The following NCKAP5 variants were observed in gnomAD, a reference collection of about 807,000 sequenced individuals.
NCKAP5 encodes nck-associated protein 5.
A neutral mutation model predicts 167.0 loss-of-function variants in NCKAP5; 92 were observed. The observed-to-expected ratio is 0.55, with a 90% CI of 0.47 to 0.66. NCKAP5 has a LOEUF of 0.66. Ranked by LOEUF, NCKAP5 falls within the 30% of genes least tolerant of loss-of-function variation. The pLI is 0.00. For synonymous variants in NCKAP5, 891 were observed against 877.4 expected (o/e 1.02, Z -0.27); for missense variants, 2,378 against 2,315.0 (o/e 1.03, Z -0.56).
intron 8 of NCKAP5, among the ~76,000 whole-genome samples, chr2:132,889,151 C>T (rs1236578848): frequency 6.6e-6 from 1 of 152,198 alleles, no homozygotes; most frequent in African/African-American, 2.4e-5. Flanking sequence ...GAGAGGCCAG[C>T]CATGGGAGTG....
chr2:133,324,723 T>C (rs554064394), intron 3 of NCKAP5, among the ~76,000 whole-genome samples: 38 of 152,332 alleles, frequency 2.5e-4, no homozygotes, highest in African/African-American at 8.7e-4. Flanking sequence ...TGCTTTTTTT[T>C]TTCTTTTCTT....
At chr2:133,147,235 A>G (rs75128916) in intron 5 of NCKAP5, among the ~76,000 whole-genome samples, 2,078 of 152,258 alleles carry the variant, frequency 0.014, 58 homozygotes, top group African/African-American at 0.047. Flanking sequence ...ATACCTACTA[A>G]GCACAGGGTG....
At chr2:133,296,862 G>A (rs1679998766) in intron 4 of NCKAP5, among the ~76,000 whole-genome samples, 1 of 151,998 alleles carries the variant, frequency 6.6e-6, no homozygotes, top group Non-Finnish European at 1.5e-5. Context: ...TACATTTGTG[G>A]CTTGAAAGTA....
the NCKAP5 span, among the ~76,000 whole-genome samples, chr2:133,614,296 G>A: frequency 2.2e-4 from 33 of 148,826 alleles, no homozygotes; most frequent in East Asian, 3.4e-3. Context: ...CTAGCTGGAC[G>A]GAGAATGACT....
At chr2:133,253,495 T>C (rs2088455598) in intron 4 of NCKAP5, among the ~76,000 whole-genome samples, 1 of 152,214 alleles carries the variant, frequency 6.6e-6, no homozygotes, top group African/African-American at 2.4e-5. Flanking sequence ...ATAAGATTTA[T>C]GCCCTCTCTA....
At chr2:133,605,527 T>C in the NCKAP5 span, among the ~76,000 whole-genome samples, 1 of 152,202 alleles carries the variant, frequency 6.6e-6, no homozygotes, top group Non-Finnish European at 1.5e-5. Flanking sequence ...TTGGAGGATA[T>C]TGATGCATCT....
At chr2:133,510,736 A>C (rs1683418784) in intron 3 of NCKAP5, among the ~76,000 whole-genome samples, 1 of 152,192 alleles carries the variant, frequency 6.6e-6, no homozygotes, top group Non-Finnish European at 1.5e-5. Context: ...GGCATAAAGC[A>C]ATTTTCTGCT....
At chr2:133,245,648 A>C (rs1486730312) in intron 4 of NCKAP5, among the ~76,000 whole-genome samples, 1 of 152,090 alleles carries the variant, frequency 6.6e-6, no homozygotes, top group Admixed American at 6.5e-5. Flanking sequence ...TTTTAATTAA[A>C]GGCGCAATCC....
chr2:133,545,527 G>C (rs1686583242), intron 2 of NCKAP5, among the ~76,000 whole-genome samples: 1 of 152,000 alleles, frequency 6.6e-6, no homozygotes, highest in African/African-American at 2.4e-5. Flanking sequence ...GAGTTTGATA[G>C]GCTGCCTATC....
chr2:133,235,401 A>C (rs944002277), intron 4 of NCKAP5, among the ~76,000 whole-genome samples: 4 of 152,058 alleles, frequency 2.6e-5, no homozygotes, highest in Non-Finnish European at 5.9e-5. Flanking sequence ...ATTGATTAAA[A>C]TGGCCCCCAA....
At chr2:132,688,000 G>C (rs1021318473) in intron 19 of NCKAP5, among the ~76,000 whole-genome samples, 2 of 152,154 alleles carry the variant, frequency 1.3e-5, no homozygotes, top group African/African-American at 4.8e-5. Context: ...ATGGCAATCA[G>C]GGTTTTGCTC....
At chr2:133,510,118 C>G (rs1202583579) in intron 3 of NCKAP5, among the ~76,000 whole-genome samples, 1 of 152,160 alleles carries the variant, frequency 6.6e-6, no homozygotes, top group Non-Finnish European at 1.5e-5. Flanking sequence ...CCAGAATCTC[C>G]TCAGGGGAAA....
chr2:133,323,300 G>C (rs1331971782), intron 3 of NCKAP5, among the ~76,000 whole-genome samples: 2 of 152,108 alleles, frequency 1.3e-5, no homozygotes, highest in Non-Finnish European at 2.9e-5. Context: ...GTCTGACATA[G>C]AGATCTCAGC....
At chr2:133,514,662 A>G (rs1365821906) in intron 3 of NCKAP5, among the ~76,000 whole-genome samples, 2 of 152,178 alleles carry the variant, frequency 1.3e-5, no homozygotes, top group Non-Finnish European at 2.9e-5. Flanking sequence ...TCTCAAAAAT[A>G]TGTGTCATGA....
At chr2:133,450,057 T>C (rs1285812395) in intron 3 of NCKAP5, among the ~76,000 whole-genome samples, 1 of 152,158 alleles carries the variant, frequency 6.6e-6, no homozygotes, top group Non-Finnish European at 1.5e-5. Flanking sequence ...GAAACATTTA[T>C]TGATTTGCCC....
intron 6 of NCKAP5, among the ~76,000 whole-genome samples, chr2:133,101,347 G>A (rs1033343921): frequency 1.7e-4 from 24 of 139,708 alleles, no homozygotes; most frequent in Non-Finnish European, 9.0e-5. Context: ...GATGCCTCCA[G>A]CTTTGTTCTT....
rs200265033 is a variant in NCKAP5, at chr2:132,790,182, C to T, written c.933G>A (p.Ser311=). The T allele has an allele frequency of 1.8e-5, 29 of 1,613,006 alleles. No homozygotes were observed. Among genetic ancestry groups the T allele is most frequent in the South Asian group, 5.5e-5 (5 of 90,756 alleles). The change falls in exon 13 of 20, where the codon TCG becomes TCA. Residue 311 remains serine, a synonymous_variant. Transcript: ENST00000409261. ...EVHEHQLNTK[S]ALKCPGLGAV... Reference sequence around the variant, plus strand: ...CCCCCAAGCCAGGGCATTTCAAGGCCGATTTTGTATTTAGTTGGTGTTCCT... The same window carrying T: ...CCCCCAAGCCAGGGCATTTCAAGGCTGATTTTGTATTTAGTTGGTGTTCCT...
intron 6 of NCKAP5, among the ~76,000 whole-genome samples, chr2:133,071,756 A>C (rs1024537262): frequency 1.7e-4 from 26 of 152,274 alleles, no homozygotes; most frequent in Middle Eastern, 3.4e-3. Flanking sequence ...AAATCAGTAC[A>C]TTTCAGGGTA....
chr2:133,459,163 T>A (rs1165773403), intron 3 of NCKAP5, among the ~76,000 whole-genome samples: 1 of 152,146 alleles, frequency 6.6e-6, no homozygotes, highest in African/African-American at 2.4e-5. Flanking sequence ...AAGGAAGGAT[T>A]TTCTTAGCAT....
Sources: allele counts gnomAD v4.1 joint callset (sites outside exome capture counted in the v4.1 genomes callset), GRCh38; gene constraint gnomAD v4.1.1; transcripts MANE v1.5; gene names NCBI Gene and HGNC (gene_info 2026-07-23, HGNC 2026-07-21).